Variants in TSGA10 observed in about 807,000 individuals in gnomAD.
The protein encoded by TSGA10 is testis specific 10.
A neutral mutation model predicts 96.6 loss-of-function variants in TSGA10; 43 were observed. The observed-to-expected ratio is 0.44, with a 90% CI of 0.35 to 0.57. TSGA10 has a LOEUF of 0.57. TSGA10 is among the 20% of genes least tolerant of loss of function. The probability of loss-of-function intolerance (pLI) is 0.01; values close to 1 mark genes in which losing one functional copy is unlikely to be tolerated. For missense variants in TSGA10, 703 were observed against 834.4 expected (o/e 0.84, Z 1.94); for synonymous variants, 229 against 269.9 (o/e 0.85, Z 1.48).
chr2:99,059,061 TA>T (rs2084341942), intron 16 of TSGA10, among the ~76,000 whole-genome samples: 2 of 111,036 alleles, frequency 1.8e-5, no homozygotes, highest in Admixed American at 9.5e-5. Context: ...TATATATATA[TA>T]TATATATTTA....
rs575012761 is a variant in TSGA10 at position 99,016,601 on chromosome 2, A to G, written c.2072+1599T>C. Among the ~76,000 whole-genome samples the G allele has an allele frequency of 2.0e-5, 3 of 152,334 alleles. No homozygotes were observed. The South Asian group carries it at 6.2e-4, about 32-fold the overall frequency. On this transcript the variant is annotated intron_variant, in intron 20 of 20. Coordinates refer to ENST00000393483, the MANE Select transcript of TSGA10 (RefSeq NM_025244.4). ...TGGCTTAGGCAAAGATTTCATGACC[A>G]AGAACCCAAAAGCAAATGAAACAAA... is the stretch of plus-strand genomic sequence containing the variant.
In TSGA10 at chr2:99,147,494, G is replaced by A. The variant is rs781672631; in HGVS notation, c.-621+7199C>T. ...TGTCCTCAACTCTGGGGAAGTTAAGGTAAGACTCACAGGGCCAAGTCTACC... is the reference window on the plus strand; with the variant it reads ...TGTCCTCAACTCTGGGGAAGTTAAGATAAGACTCACAGGGCCAAGTCTACC... On this transcript the variant is annotated intron_variant, in intron 1 of 20. Coordinates refer to ENST00000393483, the MANE Select transcript of TSGA10 (RefSeq NM_025244.4). The A allele has an allele frequency of 8.7e-6, 14 of 1,613,868 alleles. No individual in the cohort carries two copies. The South Asian group carries it at 1.4e-4, about 16-fold the overall frequency.
chr2:99,142,218 A>G (rs1341412912), intron 1 of TSGA10: 1 of 152,192 alleles, frequency 6.6e-6, no homozygotes, highest in Non-Finnish European at 1.5e-5. Context: ...AATACCTACC[A>G]TGTCCCTTCT....
chr2:99,069,515 T>A (rs569337237), intron 14 of TSGA10, among the ~76,000 whole-genome samples: 1 of 152,012 alleles, frequency 6.6e-6, no homozygotes, highest in Non-Finnish European at 1.5e-5. Flanking sequence ...TTTACATTTT[T>A]TTAATTTAAA....
intron 1 of TSGA10, among the ~76,000 whole-genome samples, chr2:99,139,751 T>A (rs1463180251): frequency 1.3e-5 from 2 of 152,200 alleles, no homozygotes; most frequent in Non-Finnish European, 2.9e-5. Context: ...TGTAAATGAA[T>A]ACTTAGTACA....
Position 99,115,351 on chromosome 2 carries a change from TA to T in TSGA10, c.-140+2192del, listed in dbSNP as rs554698460. ...CTGAAGTGGCATTAAAAAATTAAGT[TA>T]AAAAAAATTTTAAAGTAACAATACA... On this transcript the variant is annotated intron_variant, in intron 4 of 20. Transcript: ENST00000393483. Among the ~76,000 whole-genome samples the T allele has an allele frequency of 7.1e-3, 1,081 of 152,112 alleles. 9 individuals carry two copies. Among genetic ancestry groups the T allele is most frequent in the African/African-American group, 0.024 (984 of 41,478 alleles).
intron 1 of TSGA10, among the ~76,000 whole-genome samples, chr2:99,152,852 G>T (rs940700779): frequency 3.9e-5 from 6 of 152,236 alleles, no homozygotes; most frequent in Non-Finnish European, 5.9e-5. Flanking sequence ...TGGGGGGAAA[G>T]AGTGAGTTCA....
chr2:99,059,117 T>G (rs936732712), intron 16 of TSGA10, among the ~76,000 whole-genome samples: 3 of 147,964 alleles, frequency 2.0e-5, no homozygotes, highest in Non-Finnish European at 4.5e-5. Context: ...TAATGTATGT[T>G]TAAAAATACA....
chr2:99,038,909 A>T (rs1030840043), intron 16 of TSGA10, among the ~76,000 whole-genome samples: 1 of 152,168 alleles, frequency 6.6e-6, no homozygotes, highest in African/African-American at 2.4e-5. Flanking sequence ...GTCTCAATAA[A>T]TTTTTAAAAA....
At position 99,068,998 on chromosome 2, in the gene TSGA10, C is replaced by T; in HGVS notation, c.1108G>A (p.Ala370Thr). ...QFAKAKQENQALSKKLNDTHN... is the reference protein window; with the variant it reads ...QFAKAKQENQTLSKKLNDTHN... ...GTGTCATTCAATTTTTTGGACAGTG[C>T]CTACGAAAAAAAGATAGGTATATTT... The change falls in exon 15 of 21, where the codon GCA becomes ACA. Residue 370 changes from alanine to threonine, a missense_variant and splice_region_variant. Transcript: ENST00000393483. 5 of 1,426,168 alleles carry T rather than the reference C, an allele frequency of 3.5e-6. No homozygotes were observed. In the South Asian group the frequency reaches 5.2e-5, roughly 15 times the overall value. 88.3% of individuals were successfully genotyped at this position (1,426,168 alleles called of 1,614,324 possible).
chr2:99,044,486 A>C (rs998962489), intron 16 of TSGA10, among the ~76,000 whole-genome samples: 2 of 152,186 alleles, frequency 1.3e-5, no homozygotes, highest in African/African-American at 4.8e-5. Flanking sequence ...AAAGCTAACT[A>C]TCCTAAATAT....
chr2:99,042,720 T>C (rs928031469), intron 16 of TSGA10, among the ~76,000 whole-genome samples: 2 of 152,084 alleles, frequency 1.3e-5, no homozygotes, highest in Non-Finnish European at 2.9e-5. Context: ...TTTTTTTTTT[T>C]TGAGACGGAG....
chr2:99,127,167 T>C lies in TSGA10; in HGVS notation c.-611A>G, dbSNP rs1483243341. The C allele has an allele frequency of 8.5e-6, 11 of 1,286,832 alleles. No homozygotes were observed. The highest frequency in any genetic ancestry group is 1.1e-5 in the Non-Finnish European group (11 of 988,058). 79.7% of individuals were successfully genotyped at this position (1,286,832 alleles called of 1,614,324 possible). ...GCCCCTAGACCAAAATCATATTCTT[T>C]GGTGGTAACCTAGTACAAAGAATGG... On this transcript the variant is annotated 5_prime_UTR_variant, in exon 2 of 21. Transcript: ENST00000393483.
chr2:99,110,645 C>T (rs2091719759), intron 5 of TSGA10, among the ~76,000 whole-genome samples: 1 of 151,970 alleles, frequency 6.6e-6, no homozygotes, highest in African/African-American at 2.4e-5. Flanking sequence ...CTCTAGGAAA[C>T]AAAGGAATAG....
intron 16 of TSGA10, among the ~76,000 whole-genome samples, chr2:99,040,385 A>C (rs1406603368): frequency 6.6e-6 from 1 of 152,178 alleles, no homozygotes; most frequent in Non-Finnish European, 1.5e-5. Flanking sequence ...ATTCATCCAA[A>C]AGCTCCCAGA....
At chr2:99,140,748 A>G (rs2093504823) in intron 1 of TSGA10, among the ~76,000 whole-genome samples, 1 of 152,140 alleles carries the variant, frequency 6.6e-6, no homozygotes, top group African/African-American at 2.4e-5. Context: ...TGTGACTTCC[A>G]AATTCCTCGG....
chr2:99,018,758 T>C, intron 18 of TSGA10, 118 bp from the exon 19 acceptor site: 1 of 817,024 alleles, frequency 1.2e-6, no homozygotes, highest in Admixed American at 3.2e-5. Flanking sequence ...ACATTGTGAT[T>C]TTTATGGCCA....
At position 99,064,062 on chromosome 2, in the gene TSGA10, C is replaced by T. The variant is rs193191706; in HGVS notation, c.1404+877G>A. On this transcript the variant is annotated intron_variant, in intron 16 of 20. Coordinates refer to ENST00000393483, the MANE Select transcript of TSGA10 (RefSeq NM_025244.4). The stretch of plus-strand genomic sequence containing the variant: ...CTCAGGATTTCTTATGGCAGAATGA[C>T]ACTTTAGAGAGCAATTTGACAAAAA... Among the ~76,000 whole-genome samples the T allele has an allele frequency of 4.6e-5, 7 of 152,094 alleles. No homozygotes were observed. The South Asian group carries it at 1.4e-3, about 32-fold the overall frequency.
chr2:99,040,736 T>C (rs1316224871), intron 16 of TSGA10, among the ~76,000 whole-genome samples: 1 of 151,240 alleles, frequency 6.6e-6, no homozygotes, highest in African/African-American at 2.4e-5. Context: ...CAAAATACCA[T>C]CATCATTCTT....
Sources: allele counts gnomAD v4.1 joint callset (sites outside exome capture counted in the v4.1 genomes callset), GRCh38; gene constraint gnomAD v4.1.1; transcripts MANE v1.5; gene names NCBI Gene and HGNC (gene_info 2026-07-23, HGNC 2026-07-21).